Variants in ST7 observed in about 807,000 individuals in gnomAD.
The protein encoded by ST7 is suppression of tumorigenicity 7, also known as suppressor of tumorigenicity 7 protein.
A neutral mutation model predicts 78.7 loss-of-function variants in ST7; 28 were observed. The ratio of observed to expected loss-of-function variants is 0.36; its 90% CI spans 0.26 to 0.49. The LOEUF is 0.49. Among genes scored for constraint, ST7 ranks in the 20% least tolerant of loss-of-function variants. ST7 has a pLI of 0.99. For synonymous variants in ST7, 247 were observed against 249.6 expected, an observed-to-expected ratio of 0.99 and a Z score of 0.10; for missense variants, 418 against 696.0, an observed-to-expected ratio of 0.60 and a Z score of 4.49.
chr7:117,099,480 G>C lies in ST7; in HGVS notation c.152-282G>C, dbSNP rs535823473. 2.0e-5 allele frequency among the ~76,000 whole-genome samples: 3 copies of C among 152,228 alleles called. No homozygotes were observed. In the East Asian group the frequency reaches 5.8e-4, roughly 29 times the overall value. On this transcript the variant is annotated intron_variant, in intron 1 of 15. Coordinates refer to ENST00000323984, the MANE Select transcript of ST7 (RefSeq NM_001369598.1). ...TTTGATTAAACTCTTCCATGGTTAT[G>C]AATCCATGAAAACCGTTATCAACAA...
chr7:117,153,790 A>G (rs1357470124), intron 9 of ST7, among the ~76,000 whole-genome samples: 1 of 152,210 alleles, frequency 6.6e-6, no homozygotes, highest in African/African-American at 2.4e-5. Flanking sequence ...CAATTGTGTT[A>G]TCTCCCGAAT....
At chr7:117,044,578 TGACC>T (rs1448735028) in intron 1 of ST7, among the ~76,000 whole-genome samples, 1 of 152,022 alleles carries the variant, frequency 6.6e-6, no homozygotes, top group East Asian at 1.9e-4. Context: ...CTCGAACTCT[TGACC>T]ACAAGTGATC....
intron 1 of ST7, among the ~76,000 whole-genome samples, chr7:117,058,802 T>C (rs942083680): frequency 2.0e-5 from 3 of 152,120 alleles, no homozygotes; most frequent in Non-Finnish European, 2.9e-5. Context: ...TAAGTATCCA[T>C]TGACAGATAA....
chr7:117,228,323 C>T (rs984449771), intron 15 of ST7, among the ~76,000 whole-genome samples: 1 of 152,200 alleles, frequency 6.6e-6, no homozygotes, highest in Non-Finnish European at 1.5e-5. Context: ...TCCAGATCTT[C>T]GTGGCCCCCT....
intron 1 of ST7, among the ~76,000 whole-genome samples, chr7:117,044,210 C>T (rs752797959): frequency 6.6e-6 from 1 of 152,134 alleles, no homozygotes; most frequent in African/African-American, 2.4e-5. Context: ...GATGGAATTT[C>T]GTTTTAGTGG....
At chr7:117,152,216 T>TATATATAC (rs1806346632) in intron 9 of ST7, among the ~76,000 whole-genome samples, 4 of 119,962 alleles carry the variant, frequency 3.3e-5, no homozygotes, top group Non-Finnish European at 6.8e-5. Flanking sequence ...TATATATATA[T>TATATATAC]ATATATACCA....
intron 9 of ST7, among the ~76,000 whole-genome samples, chr7:117,156,816 G>T (rs1262326174): frequency 1.3e-5 from 2 of 152,200 alleles, no homozygotes; most frequent in African/African-American, 2.4e-5. Flanking sequence ...GGCACTGGTG[G>T]TCTCAGTGAA....
At chr7:117,208,984 G>A (rs998086422) in intron 12 of ST7, among the ~76,000 whole-genome samples, 1 of 151,116 alleles carries the variant, frequency 6.6e-6, no homozygotes, top group Non-Finnish European at 1.5e-5. Flanking sequence ...AGCCAGAAAA[G>A]AAAGGTTAAC....
intron 1 of ST7, among the ~76,000 whole-genome samples, chr7:117,076,965 G>A (rs1040448016): frequency 3.3e-5 from 5 of 152,156 alleles, no homozygotes; most frequent in African/African-American, 1.2e-4. Flanking sequence ...TTACACAAAC[G>A]AATTGGATGG....
At chr7:117,165,078 A>G (rs912280478) in intron 9 of ST7, among the ~76,000 whole-genome samples, 3 of 152,202 alleles carry the variant, frequency 2.0e-5, no homozygotes, top group African/African-American at 7.2e-5. Flanking sequence ...GCTAGTAACT[A>G]TAGAAAGGAT....
intron 1 of ST7, among the ~76,000 whole-genome samples, chr7:117,046,250 G>A (rs1244124881): frequency 3.3e-5 from 5 of 152,054 alleles, no homozygotes; most frequent in Admixed American, 6.6e-5. Flanking sequence ...CAGCATATAA[G>A]ACGCTTCCCT....
intron 7 of ST7, among the ~76,000 whole-genome samples, chr7:117,134,908 C>T (rs148167703): frequency 2.0e-5 from 3 of 152,178 alleles, no homozygotes; most frequent in African/African-American, 2.4e-5. Context: ...AAAGACCTTA[C>T]AGACCCTTCC....
chr7:117,114,833 T>C (rs574547520), intron 2 of ST7, among the ~76,000 whole-genome samples: 1 of 152,196 alleles, frequency 6.6e-6, no homozygotes, highest in Non-Finnish European at 1.5e-5. Flanking sequence ...GTCTGCAAGA[T>C]TGATGGAAAG....
rs1327855070 is a variant in ST7, at chr7:117,032,617, T to C, written c.152-67145T>C. ...ATTTTTTAAGAACTTTTTCTAATTA[T>C]TTGGCATTACTTGCAGTAATTTTCA... On this transcript the variant is annotated intron_variant, in intron 1 of 15. Transcript: ENST00000323984. 3.9e-5 allele frequency among the ~76,000 whole-genome samples: 6 copies of C among 152,368 alleles called. No individual in the cohort carries two copies. In the South Asian group the frequency reaches 1.0e-3, roughly 26 times the overall value.
rs1324661870 is a variant in ST7 at position 116,978,563 on chromosome 7, A to G, written c.151+24872A>G. On this transcript the variant is annotated intron_variant, in intron 1 of 15. Transcript: ENST00000323984. The stretch of plus-strand genomic sequence containing the variant: ...TGAAGGTCGTAGCAGGAAACATATC[A>G]TACATTCTATCTATCTATCTATCTA... Among the ~76,000 whole-genome samples, 7 of 151,558 alleles carry G rather than the reference A, an allele frequency of 4.6e-5. No homozygotes were observed. The East Asian group carries it at 1.2e-3, about 25-fold the overall frequency.
chr7:117,157,276 A>T (rs1259288377), intron 9 of ST7, among the ~76,000 whole-genome samples: 2 of 152,172 alleles, frequency 1.3e-5, no homozygotes, highest in African/African-American at 4.8e-5. Context: ...CTCATAGACA[A>T]AAGTTTTTTG....
At chr7:117,100,236 C>T (rs1264231478) in intron 2 of ST7, among the ~76,000 whole-genome samples, 2 of 152,004 alleles carry the variant, frequency 1.3e-5, no homozygotes, top group African/African-American at 4.8e-5. Flanking sequence ...CTTTGGGAGG[C>T]GAAGGCGGGC....
intron 1 of ST7, among the ~76,000 whole-genome samples, chr7:117,030,735 G>A (rs2116153481): frequency 6.6e-6 from 1 of 152,258 alleles, no homozygotes; most frequent in African/African-American, 2.4e-5. Context: ...TACACTGCTG[G>A]TGGAAGTGTA....
At chr7:117,142,398 G>A (rs1418211168) in intron 9 of ST7, among the ~76,000 whole-genome samples, 6 of 152,066 alleles carry the variant, frequency 3.9e-5, no homozygotes, top group Non-Finnish European at 1.5e-5. Context: ...GCTGCCTTGT[G>A]CATTGTAGGA....
Sources: allele counts gnomAD v4.1 joint callset (sites outside exome capture counted in the v4.1 genomes callset), GRCh38; gene constraint gnomAD v4.1.1; transcripts MANE v1.5; gene names NCBI Gene and HGNC (gene_info 2026-07-23, HGNC 2026-07-21).